ST6GALNAC3: variants seen among roughly 807,000 people sequenced by gnomAD.
ST6GALNAC3 encodes alpha-N-acetylgalactosaminide alpha-2,6-sialyltransferase 3.
ST6GALNAC3 carries 25 observed loss-of-function variants against 32.7 expected under a neutral mutation model. The ratio of observed to expected loss-of-function variants is 0.76; its 90% CI spans 0.56 to 1.07. The LOEUF is 1.07. Ranked by LOEUF, ST6GALNAC3 falls within the 50% of genes least tolerant of loss-of-function variation. The pLI, the probability that ST6GALNAC3 is intolerant of heterozygous loss-of-function variation, is 0.00. For synonymous variants in ST6GALNAC3, 129 were observed against 133.1 expected, an observed-to-expected ratio of 0.97 and a Z score of 0.21; for missense variants, 355 against 382.4, an observed-to-expected ratio of 0.93 and a Z score of 0.60.
chr1:76,635,657 C>T (rs1016483132), downstream of ST6GALNAC3, among the ~76,000 whole-genome samples: 12 of 152,204 alleles, frequency 7.9e-5, no homozygotes, highest in Middle Eastern at 3.2e-3. Context: ...GTTTCTCCCT[C>T]AAACATAAAT....
At chr1:76,447,177 G>T (rs1425117184) in intron 3 of ST6GALNAC3, among the ~76,000 whole-genome samples, 3 of 152,210 alleles carry the variant, frequency 2.0e-5, no homozygotes, top group African/African-American at 4.8e-5. Context: ...TGAGGAACTT[G>T]TTGGGAACTG....
At chr1:76,184,430 T>C (rs954013128) in intron 1 of ST6GALNAC3, among the ~76,000 whole-genome samples, 5 of 151,496 alleles carry the variant, frequency 3.3e-5, no homozygotes, top group South Asian at 4.2e-4. Flanking sequence ...TCACAGCCAC[T>C]TGGGAGGCCG....
intron 3 of ST6GALNAC3, among the ~76,000 whole-genome samples, chr1:76,460,784 G>A (rs1240004986): frequency 1.3e-5 from 2 of 152,142 alleles, no homozygotes; most frequent in African/African-American, 2.4e-5. Flanking sequence ...CTTTCAAAGA[G>A]CATTTATTTT....
intron 1 of ST6GALNAC3, among the ~76,000 whole-genome samples, chr1:76,308,746 C>CT (rs1191472660): frequency 4.6e-5 from 7 of 152,138 alleles, no homozygotes; most frequent in Non-Finnish European, 1.0e-4. Flanking sequence ...GTGATTGATA[C>CT]ATTTTTACTT....
At chr1:76,134,494 C>G (rs1388982525) in intron 1 of ST6GALNAC3, among the ~76,000 whole-genome samples, 1 of 152,322 alleles carries the variant, frequency 6.6e-6, no homozygotes, top group East Asian at 1.9e-4. Flanking sequence ...GGAGGGGTGT[C>G]ACACATCAGC....
At chr1:76,614,651 G>A (rs1171691348) in intron 3 of ST6GALNAC3, among the ~76,000 whole-genome samples, 2 of 143,342 alleles carry the variant, frequency 1.4e-5, no homozygotes, top group Admixed American at 7.2e-5. Flanking sequence ...CTTGGGAGAC[G>A]GAGCTTGCAG....
intron 1 of ST6GALNAC3, among the ~76,000 whole-genome samples, chr1:76,254,795 A>G (rs1468551450): frequency 6.6e-6 from 1 of 152,094 alleles, no homozygotes; most frequent in Non-Finnish European, 1.5e-5. Context: ...TTAGTGATTC[A>G]TGAATCCGTT....
chr1:76,449,746 A>T (rs1657251664), intron 3 of ST6GALNAC3, among the ~76,000 whole-genome samples: 1 of 152,196 alleles, frequency 6.6e-6, no homozygotes, highest in Admixed American at 6.5e-5. Context: ...GAGTTTTAAT[A>T]GTTCTTTATA....
At chr1:76,319,305 CG>C (rs2100915846) in intron 2 of ST6GALNAC3, among the ~76,000 whole-genome samples, 1 of 152,144 alleles carries the variant, frequency 6.6e-6, no homozygotes, top group Non-Finnish European at 1.5e-5. Flanking sequence ...CTGACTTACT[CG>C]ACAATTTAAT....
intron 3 of ST6GALNAC3, among the ~76,000 whole-genome samples, chr1:76,596,072 C>T (rs1001485334): frequency 3.3e-5 from 5 of 152,062 alleles, no homozygotes; most frequent in African/African-American, 1.2e-4. Context: ...AGGCTGGGAA[C>T]CACTGCATTG....
intron 3 of ST6GALNAC3, among the ~76,000 whole-genome samples, chr1:76,463,037 A>G (rs749328103): frequency 6.6e-6 from 1 of 152,162 alleles, no homozygotes; most frequent in Non-Finnish European, 1.5e-5. Flanking sequence ...ATATTTTGTA[A>G]AAGCTATTAT....
Position 76,342,391 on chromosome 1 carries a change from T to C in ST6GALNAC3, c.213+28392T>C, listed in dbSNP as rs184888339. 4.1e-3 allele frequency among the ~76,000 whole-genome samples: 621 copies of C among 152,314 alleles called. 1 individual carries two copies. The highest frequency in any genetic ancestry group is 0.01 in the Middle Eastern group (3 of 294). ...CATCTGTTGTTTCCTGACTTTTTAA[T>C]GATCGCCATTCTAACGGCATGAGAT... On this transcript the variant is annotated intron_variant, in intron 2 of 4. Coordinates refer to ENST00000328299, the MANE Select transcript of ST6GALNAC3 (RefSeq NM_152996.4).
At chr1:76,185,825 A>T (rs529254693) in intron 1 of ST6GALNAC3, among the ~76,000 whole-genome samples, 101 of 152,328 alleles carry the variant, frequency 6.6e-4, no homozygotes, top group African/African-American at 2.4e-3. Flanking sequence ...CAGGGAAAAA[A>T]ATATATGTCT....
chr1:76,287,603 A>C (rs1659857808), intron 1 of ST6GALNAC3, among the ~76,000 whole-genome samples: 1 of 152,140 alleles, frequency 6.6e-6, no homozygotes, highest in Non-Finnish European at 1.5e-5. Flanking sequence ...TGGTAGCAGC[A>C]GGTTAATTAA....
intron 1 of ST6GALNAC3, among the ~76,000 whole-genome samples, chr1:76,297,669 G>T (rs2100837390): frequency 6.6e-6 from 1 of 152,060 alleles, no homozygotes; most frequent in Middle Eastern, 3.4e-3. Context: ...GGGGGATAAA[G>T]GTATTTACAT....
intron 3 of ST6GALNAC3, among the ~76,000 whole-genome samples, chr1:76,445,404 T>C (rs1372821886): frequency 6.6e-6 from 1 of 152,188 alleles, no homozygotes; most frequent in Non-Finnish European, 1.5e-5. Flanking sequence ...ACAGTGATTC[T>C]GATGCACACT....
chr1:76,331,089 A>G (rs1295086610), intron 2 of ST6GALNAC3, among the ~76,000 whole-genome samples: 1 of 152,180 alleles, frequency 6.6e-6, no homozygotes, highest in Non-Finnish European at 1.5e-5. Flanking sequence ...CATACTCGTG[A>G]TAATGATGTA....
intron 3 of ST6GALNAC3, among the ~76,000 whole-genome samples, chr1:76,599,476 G>T (rs1368939937): frequency 1.3e-5 from 2 of 151,338 alleles, no homozygotes; most frequent in Non-Finnish European, 2.9e-5. Flanking sequence ...AGGCCCCAGT[G>T]TGTGATGTTC....
At chr1:76,479,341 C>A (rs1659574961) in intron 3 of ST6GALNAC3, among the ~76,000 whole-genome samples, 1 of 152,192 alleles carries the variant, frequency 6.6e-6, no homozygotes. Flanking sequence ...TGTAAAGATT[C>A]CCCTGAGTGT....
Sources: allele counts gnomAD v4.1 joint callset (sites outside exome capture counted in the v4.1 genomes callset), GRCh38; gene constraint gnomAD v4.1.1; transcripts MANE v1.5; gene names NCBI Gene and HGNC (gene_info 2026-07-23, HGNC 2026-07-21).